The following DTNA variants were observed in gnomAD, a reference collection of about 807,000 sequenced individuals.
DTNA encodes dystrophin-related protein 3.
A neutral mutation model predicts 100.7 loss-of-function variants in DTNA; 43 were observed. The observed-to-expected ratio is 0.43, with a 90% CI of 0.33 to 0.55. DTNA has a LOEUF of 0.55. Ranked by LOEUF, DTNA falls within the 20% of genes least tolerant of loss-of-function variation. DTNA has a pLI of 0.04. For missense variants in DTNA, 798 were observed against 953.9 expected (o/e 0.84, Z 2.15); for synonymous variants, 349 against 347.9 (o/e 1.00, Z -0.04).
At chr18:34,818,861 T>C (rs2095649722) in intron 8 of DTNA, among the ~76,000 whole-genome samples, 1 of 152,134 alleles carries the variant, frequency 6.6e-6, no homozygotes. Context: ...TAGCAAACCA[T>C]CTTTTCATGA....
intron 1 of DTNA, among the ~76,000 whole-genome samples, chr18:34,649,090 A>G (rs1568117393): frequency 6.6e-6 from 1 of 152,100 alleles, no homozygotes; most frequent in Non-Finnish European, 1.5e-5. Context: ...TTTTTTGGAG[A>G]TAAGAACACT....
At chr18:34,818,584 T>C (rs1026097917) in intron 8 of DTNA, 1 of 1,340,846 alleles carries the variant, frequency 7.5e-7, no homozygotes, top group African/African-American at 1.5e-5. Flanking sequence ...TATAGATAAT[T>C]CAGTACTGAT....
intron 1 of DTNA, among the ~76,000 whole-genome samples, chr18:34,575,754 G>T (rs1221596445): frequency 1.3e-5 from 2 of 151,728 alleles, no homozygotes; most frequent in Admixed American, 1.3e-4. Context: ...TCAAATGACT[G>T]TATTATAGCC....
chr18:34,815,676 T>TTTTTCTCCTGG, intron 6 of DTNA: 1 of 485,398 alleles, frequency 2.1e-6, no homozygotes, highest in South Asian at 2.1e-5. Flanking sequence ...GGTGATACTA[T>TTTTTCTCCTGG]TGACTCAGCC....
chr18:34,507,365 A>G (rs2040592611), intron 1 of DTNA, among the ~76,000 whole-genome samples: 1 of 152,230 alleles, frequency 6.6e-6, no homozygotes, highest in Non-Finnish European at 1.5e-5. Flanking sequence ...GAAATAGTGA[A>G]TGCAGAATCT....
rs920719078 is a variant in DTNA, at chr18:34,730,466, G to C, written c.-2+20021G>C. ...TTCCTTCAAGAATCACAGGTCAGAA[G>C]TGTTGCATTGTGGCCCCTTGTTCAG... On this transcript the variant is annotated intron_variant, in intron 1 of 22. Coordinates refer to ENST00000444659, the MANE Select transcript of DTNA (RefSeq NM_001386795.1). Among the ~76,000 whole-genome samples the C allele has an allele frequency of 3.3e-5, 5 of 152,180 alleles. No individual in the cohort carries two copies. In the East Asian group the frequency reaches 9.6e-4, roughly 29 times the overall value.
At chr18:34,689,213 G>GA (rs2079366415) in intron 1 of DTNA, among the ~76,000 whole-genome samples, 1 of 152,190 alleles carries the variant, frequency 6.6e-6, no homozygotes, top group Non-Finnish European at 1.5e-5. Flanking sequence ...ATCCTTTGGA[G>GA]AAGAGGCGTT....
rs2086479930 is a variant in DTNA, at chr18:34,725,628, G to A, written c.-2+15183G>A. On this transcript the variant is annotated intron_variant, in intron 1 of 22. Coordinates refer to ENST00000444659, the MANE Select transcript of DTNA (RefSeq NM_001386795.1). ...TGCTGGAGAGAATGTGGAGAAATAG[G>A]AACACTTTTACACTGTTGGTGGGAC... is the stretch of plus-strand genomic sequence containing the variant. Among the ~76,000 whole-genome samples the A allele has an allele frequency of 2.0e-5, 3 of 152,296 alleles. No individual in the cohort carries two copies. In the South Asian group the frequency reaches 6.2e-4, roughly 32 times the overall value.
At chr18:34,609,000 C>G (rs551248974) in intron 1 of DTNA, among the ~76,000 whole-genome samples, 36 of 152,262 alleles carry the variant, frequency 2.4e-4, no homozygotes, top group African/African-American at 7.0e-4. Context: ...GTCTTGATTA[C>G]TGCTCAAGTT....
chr18:34,732,002 T>C (rs1414369944), intron 1 of DTNA, among the ~76,000 whole-genome samples: 2 of 152,334 alleles, frequency 1.3e-5, no homozygotes, highest in East Asian at 3.9e-4. Flanking sequence ...TCATTCTTTC[T>C]GTGCATTTTC....
At chr18:34,680,447 T>G (rs1213032101) in intron 1 of DTNA, among the ~76,000 whole-genome samples, 1 of 152,180 alleles carries the variant, frequency 6.6e-6, no homozygotes, top group Non-Finnish European at 1.5e-5. Context: ...GTGGCTTTAT[T>G]ATGTACTTTG....
At chr18:34,511,438 T>C (rs1317944512) in intron 1 of DTNA, among the ~76,000 whole-genome samples, 1 of 152,036 alleles carries the variant, frequency 6.6e-6, no homozygotes, top group Non-Finnish European at 1.5e-5. Context: ...CACCAAAAGG[T>C]AGAGCTGAAA....
Position 34,890,149 on chromosome 18 carries a change from T to C in DTNA, c.*2415T>C. The C allele has an allele frequency of 7.0e-7, 1 of 1,436,110 alleles. No homozygotes were observed. Among genetic ancestry groups the C allele is most frequent in the Non-Finnish European group, 9.1e-7 (1 of 1,101,362 alleles). The allele number at this position is 1,436,110 out of a possible 1,614,324, so 89.0% of individuals were successfully genotyped here. On this transcript the variant is annotated 3_prime_UTR_variant, in exon 23 of 23. Coordinates refer to ENST00000444659, the MANE Select transcript of DTNA (RefSeq NM_001386795.1). ...TCGTCTAAGATTTGAACTGTTCTGC[T>C]GATAACCTTCCCCGTTGTCATAGCT... is the stretch of plus-strand genomic sequence containing the variant.
At chr18:34,507,831 G>A (rs565039192) in intron 1 of DTNA, among the ~76,000 whole-genome samples, 4 of 152,102 alleles carry the variant, frequency 2.6e-5, no homozygotes, top group Non-Finnish European at 5.9e-5. Context: ...TGTGCTACAC[G>A]CTAACGTTGA....
intron 17 of DTNA, chr18:34,866,240 A>G (rs767954387): frequency 3.4e-5 from 55 of 1,604,822 alleles, no homozygotes; most frequent in Non-Finnish European, 4.7e-5. Flanking sequence ...CAGTTTGGAA[A>G]GAGAAAAAAG....
At chr18:34,741,655 A>T (rs1340602264) in intron 1 of DTNA, among the ~76,000 whole-genome samples, 1 of 152,198 alleles carries the variant, frequency 6.6e-6, no homozygotes, top group Non-Finnish European at 1.5e-5. Flanking sequence ...ATCTTCAAGA[A>T]GTACTGAGAT....
In DTNA at chr18:34,510,298, C is replaced by T. The variant is rs377499679; in HGVS notation, c.-2+16784C>T. Among the ~76,000 whole-genome samples the T allele has an allele frequency of 7.2e-5, 11 of 151,820 alleles. No individual in the cohort carries two copies. In the South Asian group the frequency reaches 1.0e-3, roughly 14 times the overall value. On this transcript the variant is annotated intron_variant, in intron 1 of 19. Transcript: ENST00000283365. The stretch of plus-strand genomic sequence containing the variant: ...TCTATTTTGTTTTTGTGTGTGTTCT[C>T]TGTTTTTCTCTGAGTTTTCATCCCT...
intron 1 of DTNA, among the ~76,000 whole-genome samples, chr18:34,697,349 C>T (rs1478850337): frequency 6.6e-6 from 1 of 152,160 alleles, no homozygotes; most frequent in African/African-American, 2.4e-5. Context: ...GGTCACTGTG[C>T]TTCTTTCTTC....
intron 1 of DTNA, among the ~76,000 whole-genome samples, chr18:34,626,847 T>C (rs919067574): frequency 6.6e-6 from 1 of 152,228 alleles, no homozygotes. Context: ...TATTTATTGT[T>C]TAAGGGTGTC....
Sources: gnomAD v4.1 joint callset for allele counts (sites outside exome capture counted in the v4.1 genomes callset) on GRCh38, gnomAD v4.1.1 for gene constraint, MANE v1.5 for transcripts, NCBI Gene and HGNC (gene_info 2026-07-23, HGNC 2026-07-21) for gene names.